SEPTIN14: variants seen among roughly 807,000 people sequenced by gnomAD.
SEPTIN14 encodes the protein septin 14.
In SEPTIN14, 40 loss-of-function variants were observed where a neutral mutation model predicts 53.6. The ratio of observed to expected loss-of-function variants is 0.75; its 90% confidence interval spans 0.58 to 0.97. The LOEUF (loss-of-function observed/expected upper bound fraction) is 0.97, where lower values mean the gene tolerates loss of function less well. SEPTIN14 is among the 50% of genes least tolerant of loss of function. The pLI is 0.00. For missense variants in SEPTIN14, 471 were observed against 508.2 expected, an observed-to-expected ratio of 0.93 and a Z score of 0.70; for synonymous variants, 138 against 166.8, an observed-to-expected ratio of 0.83 and a Z score of 1.33.
At chr7:55,808,582 G>A (rs185186259) in intron 7 of SEPTIN14, among the ~76,000 whole-genome samples, 5 of 152,070 alleles carry the variant, frequency 3.3e-5, no homozygotes, top group African/African-American at 7.2e-5. Flanking sequence ...ACAGAGTTTC[G>A]CTTTTGTCAC....
chr7:55,852,277 A>G (rs1425815578), intron 2 of SEPTIN14, among the ~76,000 whole-genome samples: 1 of 152,220 alleles, frequency 6.6e-6, no homozygotes, highest in African/African-American at 2.4e-5. Flanking sequence ...ACATTACTTG[A>G]CTTCAAATTA....
chr7:55,840,236 C>T (rs1283034681), intron 5 of SEPTIN14, among the ~76,000 whole-genome samples: 2 of 151,380 alleles, frequency 1.3e-5, no homozygotes, highest in East Asian at 3.9e-4. Context: ...CGCCTGTAAT[C>T]CCAACACTTT....
chr7:55,844,652 TTG>T lies in SEPTIN14; in HGVS notation c.240_241del (p.Asn80LysfsTer17). 6.2e-7 allele frequency: 1 copy of T among 1,610,966 alleles called. No individual in the cohort carries two copies. Among genetic ancestry groups the T allele is most frequent in the Non-Finnish European group, 8.5e-7 (1 of 1,177,572 alleles). ...AACATTTGAGTAAAAATGTGAGGAT[TTG>T]TTATCTTTCAAGTTAGTATTAAACA... is the stretch of plus-strand genomic sequence containing the variant. On this transcript the variant is annotated frameshift_variant, in exon 4 of 10. Coordinates refer to ENST00000388975, the MANE Select transcript of SEPTIN14 (RefSeq NM_207366.3). LOFTEE classifies it high-confidence loss of function.
intron 7 of SEPTIN14, among the ~76,000 whole-genome samples, chr7:55,816,520 A>G (rs1164650237): frequency 6.6e-6 from 1 of 151,784 alleles, no homozygotes; most frequent in Non-Finnish European, 1.5e-5. Flanking sequence ...ACACAGGCCC[A>G]GTGTGGTGGC....
chr7:55,796,464 T>C (rs531083825), intron 9 of SEPTIN14, among the ~76,000 whole-genome samples: 1 of 152,116 alleles, frequency 6.6e-6, no homozygotes, highest in Non-Finnish European at 1.5e-5. Context: ...GGTTTCACCA[T>C]GTTGGCCAGG....
intron 2 of SEPTIN14, among the ~76,000 whole-genome samples, chr7:55,858,937 C>T (rs528390923): frequency 4.6e-5 from 7 of 152,274 alleles, no homozygotes; most frequent in African/African-American, 1.7e-4. Flanking sequence ...CAGTTTCAGA[C>T]ATAAAATCTA....
chr7:55,850,986 A>C (rs1032825464), intron 2 of SEPTIN14: 1 of 152,082 alleles, frequency 6.6e-6, no homozygotes, highest in Non-Finnish European at 1.5e-5. Context: ...CTAAGAGAGG[A>C]GAATTGATTG....
At chr7:55,811,095 G>A in intron 7 of SEPTIN14, 1 of 469,000 alleles carries the variant, frequency 2.1e-6, no homozygotes, top group South Asian at 1.8e-5. Context: ...TTCAGCAGAT[G>A]TCAGGGGTGT....
intron 9 of SEPTIN14, among the ~76,000 whole-genome samples, 168 bp from the exon 10 acceptor site, chr7:55,796,260 T>C (rs987240000): frequency 2.6e-5 from 4 of 152,078 alleles, no homozygotes; most frequent in African/African-American, 7.2e-5. Context: ...GAATTTTTCT[T>C]TTCTTTCTTT....
chr7:55,818,693 CT>C (rs1788837834), intron 7 of SEPTIN14, among the ~76,000 whole-genome samples: 1 of 151,996 alleles, frequency 6.6e-6, no homozygotes, highest in Non-Finnish European at 1.5e-5. Context: ...GTTTATAACT[CT>C]TTTTTCTAGT....
chr7:55,862,012 C>G lies in SEPTIN14; in HGVS notation c.-15-1G>C. 1 of 1,546,900 alleles carries G rather than the reference C, an allele frequency of 6.5e-7. No homozygotes were observed. Among genetic ancestry groups the G allele is most frequent in the Non-Finnish European group, 8.7e-7 (1 of 1,147,018 alleles). Reference sequence around the variant, plus strand: ...TTTCTGCCATGCTACACTAAAAGAGCTGGAAATTTAAAAAAATAAACATTT... The same window carrying G: ...TTTCTGCCATGCTACACTAAAAGAGGTGGAAATTTAAAAAAATAAACATTT... On this transcript the variant is annotated splice_acceptor_variant, in intron 1 of 9. Coordinates refer to ENST00000388975, the MANE Select transcript of SEPTIN14 (RefSeq NM_207366.3). LOFTEE classifies it low-confidence loss of function (5UTR_SPLICE).
chr7:55,861,889 T>C, intron 2 of SEPTIN14, 54 bp downstream of exon 2: 1 of 1,114,402 alleles, frequency 9.0e-7, no homozygotes, highest in Admixed American at 3.0e-5. Flanking sequence ...TTTTAGGCTA[T>C]ATAATCTTAT....
At chr7:55,813,625 T>C (rs1217086794) in intron 7 of SEPTIN14, among the ~76,000 whole-genome samples, 1 of 151,216 alleles carries the variant, frequency 6.6e-6, no homozygotes, top group African/African-American at 2.4e-5. Context: ...TCAGCCACAG[T>C]AAAACACACA....
intron 2 of SEPTIN14, among the ~76,000 whole-genome samples, chr7:55,852,956 A>G (rs781540202): frequency 2.4e-4 from 37 of 152,198 alleles, no homozygotes; most frequent in Non-Finnish European, 4.3e-4. Flanking sequence ...ATCATTGACC[A>G]TCAGAGAAAT....
intron 2 of SEPTIN14, among the ~76,000 whole-genome samples, chr7:55,861,163 T>A (rs1789742644): frequency 6.6e-6 from 1 of 152,142 alleles, no homozygotes; most frequent in Non-Finnish European, 1.5e-5. Context: ...CATAGGCCAA[T>A]GTTTCAGTCC....
chr7:55,846,932 A>T (rs1264246011), intron 2 of SEPTIN14, among the ~76,000 whole-genome samples: 1 of 152,202 alleles, frequency 6.6e-6, no homozygotes, highest in Non-Finnish European at 1.5e-5. Flanking sequence ...TCATGCCTGT[A>T]ATCCCAGCAC....
At chr7:55,860,397 G>A (rs1210236443) in intron 2 of SEPTIN14, among the ~76,000 whole-genome samples, 1 of 152,044 alleles carries the variant, frequency 6.6e-6, no homozygotes, top group African/African-American at 2.4e-5. Context: ...AGTAGTGGGG[G>A]GATGAACAGA....
chr7:55,842,543 C>A (rs987492902), intron 5 of SEPTIN14, among the ~76,000 whole-genome samples: 4 of 150,984 alleles, frequency 2.6e-5, no homozygotes, highest in African/African-American at 9.7e-5. Context: ...GTTGAGGCTG[C>A]AGTGAGCTAT....
intron 5 of SEPTIN14, among the ~76,000 whole-genome samples, chr7:55,834,932 A>G (rs1417532812): frequency 6.6e-6 from 1 of 152,198 alleles, no homozygotes; most frequent in Non-Finnish European, 1.5e-5. Context: ...GGCGTGAGCC[A>G]CTGCGCCCAG....
Sources: allele counts gnomAD v4.1 joint callset (sites outside exome capture counted in the v4.1 genomes callset), GRCh38; gene constraint gnomAD v4.1.1; transcripts MANE v1.5; gene names NCBI Gene and HGNC (gene_info 2026-07-23, HGNC 2026-07-21).